The following MSN variants were observed in gnomAD, a reference collection of about 807,000 sequenced individuals.
The protein encoded by MSN is epididymis luminal protein 70.
MSN carries 2 observed loss-of-function variants against 48.0 expected under a neutral mutation model. That is an observed-to-expected ratio of 0.04 (90% CI 0.02 to 0.13). The LOEUF is 0.13. MSN is among the 10% of genes least tolerant of loss of function. MSN has a pLI of 1.00. For synonymous variants in MSN, 146 were observed against 166.9 expected, an observed-to-expected ratio of 0.87 and a Z score of 0.97; for missense variants, 267 against 470.1, an observed-to-expected ratio of 0.57 and a Z score of 3.99.
At chrX:65,638,977 GT>G (rs1398349371) in intron 1 of MSN, among the ~76,000 whole-genome samples, 3 of 112,356 alleles carry the variant, frequency 2.7e-5, no homozygotes, top group Non-Finnish European at 5.6e-5. Flanking sequence ...ACTGCAAGGT[GT>G]TATGGTAAAA....
intron 1 of MSN, among the ~76,000 whole-genome samples, chrX:65,657,167 T>C (rs1303796608): frequency 9.0e-6 from 1 of 111,342 alleles, no homozygotes; most frequent in Non-Finnish European, 1.9e-5. Context: ...GCTTGGTGAC[T>C]GATGGCAGGG....
intron 1 of MSN, among the ~76,000 whole-genome samples, chrX:65,622,555 C>T (rs1278646053): frequency 1.4e-4 from 12 of 83,758 alleles, no homozygotes; most frequent in Non-Finnish European, 2.3e-5. Flanking sequence ...TTCACTCTGT[C>T]ACCCATGCTG....
chrX:65,592,255 G>A (rs746771689), intron 1 of MSN, among the ~76,000 whole-genome samples: 1 of 100,597 alleles, frequency 9.9e-6, no homozygotes, highest in South Asian at 4.9e-4. Flanking sequence ...GAGTTCAGTG[G>A]CGCCATCTTG....
chrX:65,635,869 G>A (rs1027432119), intron 1 of MSN, among the ~76,000 whole-genome samples: 1 of 112,166 alleles, frequency 8.9e-6, no homozygotes, highest in Non-Finnish European at 1.9e-5. Context: ...ATCCAAGCTG[G>A]AAGGGATCCT....
At chrX:65,731,448 G>A (rs1456216329) in intron 5 of MSN, among the ~76,000 whole-genome samples, 1 of 111,764 alleles carries the variant, frequency 8.9e-6, no homozygotes, top group African/African-American at 3.3e-5. Flanking sequence ...ACATGGCAAA[G>A]CATTTTTGAG....
intron 1 of MSN, among the ~76,000 whole-genome samples, chrX:65,708,288 A>C (rs188485119): frequency 7.1e-5 from 8 of 112,220 alleles, no homozygotes; most frequent in Non-Finnish European, 1.3e-4. Flanking sequence ...TCACCATCTC[A>C]AACATTTATC....
chrX:65,641,451 G>C (rs760615767), intron 1 of MSN, among the ~76,000 whole-genome samples: 2 of 95,393 alleles, frequency 2.1e-5, no homozygotes, highest in Non-Finnish European at 4.2e-5. Context: ...AATCACTTGA[G>C]CCTGGGAGGC....
upstream of MSN, among the ~76,000 whole-genome samples, chrX:65,664,148 G>T (rs758964868): frequency 9.0e-6 from 1 of 111,244 alleles, no homozygotes; most frequent in Non-Finnish European, 1.9e-5. Context: ...CCATAGAAAA[G>T]AATAAAATTA....
chrX:65,617,866 A>G (rs1331901088), intron 1 of MSN, among the ~76,000 whole-genome samples: 6 of 109,707 alleles, frequency 5.5e-5, no homozygotes, highest in Non-Finnish European at 5.7e-5. Flanking sequence ...TTCCCTCTAC[A>G]GACTGCTTTG....
At chrX:65,734,331 G>C (rs1367163962) in intron 7 of MSN, among the ~76,000 whole-genome samples, 1 of 111,815 alleles carries the variant, frequency 8.9e-6, no homozygotes, top group African/African-American at 3.3e-5. Flanking sequence ...TCCCCTGCTA[G>C]GGACTTTACA....
intron 1 of MSN, among the ~76,000 whole-genome samples, chrX:65,706,662 G>A (rs12850456): frequency 8.9e-6 from 1 of 112,131 alleles, no homozygotes; most frequent in Admixed American, 9.4e-5. Context: ...TGACAGGAGA[G>A]GTGGGTGGAG....
At chrX:65,674,588 C>T (rs781450089) in intron 1 of MSN, among the ~76,000 whole-genome samples, 22 of 112,242 alleles carry the variant, frequency 2.0e-4, no homozygotes, top group Middle Eastern at 4.6e-3. Flanking sequence ...TGAGCTCTGA[C>T]CTTTTTGAAT....
intron 11 of MSN, 62 bp from the exon 12 acceptor site, chrX:65,738,908 A>G: frequency 2.7e-6 from 3 of 1,131,358 alleles, no homozygotes; most frequent in Non-Finnish European, 2.4e-6. Context: ...CTAGGCATAT[A>G]CAGGATGCCA....
chrX:65,664,269 T>C (rs763707744), upstream of MSN, among the ~76,000 whole-genome samples: 4 of 110,548 alleles, frequency 3.6e-5, no homozygotes, highest in Non-Finnish European at 3.8e-5. Context: ...GAGCTTAACA[T>C]TGAGCACCTA....
At chrX:65,669,546 C>T (rs1191851239) in intron 1 of MSN, among the ~76,000 whole-genome samples, 3 of 111,403 alleles carry the variant, frequency 2.7e-5, no homozygotes, top group Admixed American at 9.6e-5. Flanking sequence ...TTATTGTTTT[C>T]CTGGGAATGG....
At chrX:65,734,062 T>G (rs1029480537) in intron 7 of MSN, among the ~76,000 whole-genome samples, 1 of 112,167 alleles carries the variant, frequency 8.9e-6, no homozygotes, top group African/African-American at 3.2e-5. Flanking sequence ...CTCTCAGACT[T>G]TTCTCCAGAG....
chrX:65,593,411 A>G (rs1017911550), intron 1 of MSN: 1 of 112,520 alleles, frequency 8.9e-6, no homozygotes, highest in Non-Finnish European at 1.9e-5. Context: ...TTTAAATAAA[A>G]TATCCTTCAA....
intron 1 of MSN, among the ~76,000 whole-genome samples, chrX:65,597,251 G>T (rs2070194381): frequency 9.6e-6 from 1 of 104,319 alleles, no homozygotes; most frequent in Non-Finnish European, 2.0e-5. Flanking sequence ...ATCCCACTAT[G>T]TTGCCCAGCC....
intron 1 of MSN, among the ~76,000 whole-genome samples, chrX:65,605,714 C>G (rs1432870665): frequency 2.7e-5 from 3 of 111,167 alleles, no homozygotes; most frequent in Non-Finnish European, 5.7e-5. Flanking sequence ...TTCAGCCACT[C>G]TGATCATTTT....
Sources: allele counts gnomAD v4.1 joint callset (sites outside exome capture counted in the v4.1 genomes callset), GRCh38; gene constraint gnomAD v4.1.1; transcripts MANE v1.5; gene names NCBI Gene and HGNC (gene_info 2026-07-23, HGNC 2026-07-21).